The following RAB38 variants were observed in gnomAD, a reference collection of about 807,000 sequenced individuals.
RAB38 encodes RAB38, member RAS oncogene family.
In RAB38, 15 loss-of-function variants were observed where a neutral mutation model predicts 18.4. That is an observed-to-expected ratio of 0.82 (90% CI 0.55 to 1.26). The LOEUF is 1.26. Among genes scored for constraint, RAB38 ranks in the 50% most tolerant of loss-of-function variants. The pLI, the probability that RAB38 is intolerant of heterozygous loss-of-function variation, is 0.00. For synonymous variants in RAB38, 101 were observed against 104.4 expected (o/e 0.97, Z 0.20); for missense variants, 294 against 267.4 (o/e 1.10, Z -0.69).
the RAB38 span, among the ~76,000 whole-genome samples, chr11:87,886,364 C>G: frequency 6.6e-6 from 1 of 151,766 alleles, no homozygotes; most frequent in African/African-American, 2.4e-5. Flanking sequence ...AGAGAGAGAT[C>G]TAACTTTCCA....
intron 2 of RAB38, among the ~76,000 whole-genome samples, chr11:88,117,129 C>A (rs1210787913): frequency 6.6e-6 from 1 of 152,144 alleles, no homozygotes; most frequent in Non-Finnish European, 1.5e-5. Context: ...CAGGCAGAGC[C>A]AAGGAATGAC....
intron 1 of RAB38, among the ~76,000 whole-genome samples, chr11:88,152,429 G>GTA (rs886386104): frequency 9.9e-5 from 15 of 152,182 alleles, no homozygotes; most frequent in African/African-American, 2.4e-4. Flanking sequence ...GTGTGTGTGT[G>GTA]TATATATATA....
chr11:88,003,814 A>AAT, the RAB38 span, among the ~76,000 whole-genome samples: 575 of 890 alleles, frequency 0.65, 283 homozygotes, highest in East Asian at 1. Flanking sequence ...TATTATATAT[A>AAT]ATATATAATA....
chr11:88,149,756 A>G lies in RAB38; in HGVS notation c.402T>C (p.Asp134=). 6.2e-7 allele frequency: 1 copy of G among 1,614,176 alleles called. No homozygotes were observed. The highest frequency in any genetic ancestry group is 8.5e-7 in the Non-Finnish European group (1 of 1,180,020). ...LLANKCDQGK[D]VLMNNGLKMD... ...TCTTGAGGCCATTGTTCATGAGCAC[A>G]TCCTTCCCCTGGTCACATTTGTTGG... Residue 134 remains aspartate (D), a synonymous_variant, in exon 2 of 3, where the codon GAT becomes GAC. Coordinates refer to ENST00000243662, the MANE Select transcript of RAB38 (RefSeq NM_022337.3).
chr11:87,931,291 A>G, the RAB38 span, among the ~76,000 whole-genome samples: 51 of 152,128 alleles, frequency 3.4e-4, no homozygotes, highest in African/African-American at 1.2e-3. Flanking sequence ...AGGAAGGAAG[A>G]TAGATGCAAG....
the RAB38 span, among the ~76,000 whole-genome samples, chr11:87,859,174 T>A: frequency 6.6e-6 from 1 of 151,732 alleles, no homozygotes; most frequent in East Asian, 1.9e-4. Flanking sequence ...AATAAAATTT[T>A]AAAAATAGGA....
Position 88,149,835 on chromosome 11 carries a change from A to G in RAB38, c.323T>C (p.Leu108Ser). 1 of 1,614,136 alleles carries G rather than the reference A, an allele frequency of 6.2e-7. No individual in the cohort carries two copies. Reference sequence around the variant, plus strand: ...ATTAGGGAGACTTAACTTGGAGTCCAAATCATTTTTCCACTTTGCCACTGC... The same window carrying G: ...ATTAGGGAGACTTAACTTGGAGTCCGAATCATTTTTCCACTTTGCCACTGC... ...FEAVAKWKND[L>S]DSKLSLPNGK... Residue 108 changes from leucine (L) to serine (S), a missense_variant, in exon 2 of 3, where the codon TTG becomes TCG. Coordinates refer to ENST00000243662, the MANE Select transcript of RAB38 (RefSeq NM_022337.3).
chr11:87,976,746 A>G, the RAB38 span, among the ~76,000 whole-genome samples: 1 of 118,750 alleles, frequency 8.4e-6, no homozygotes, highest in African/African-American at 3.4e-5. Flanking sequence ...ATATATTTAT[A>G]TATTTATATA....
chr11:88,086,501 G>A, the RAB38 span, among the ~76,000 whole-genome samples: 1 of 151,864 alleles, frequency 6.6e-6, no homozygotes, highest in Non-Finnish European at 1.5e-5. Context: ...TAATTACGCT[G>A]GTGATGGATT....
the RAB38 span, among the ~76,000 whole-genome samples, chr11:88,032,748 A>G: frequency 7.2e-5 from 11 of 152,228 alleles, no homozygotes; most frequent in South Asian, 4.1e-4. Context: ...AGAGGATGTG[A>G]AGAAATAGGA....
the RAB38 span, among the ~76,000 whole-genome samples, chr11:87,970,185 C>A: frequency 1.3e-5 from 2 of 151,898 alleles, no homozygotes; most frequent in African/African-American, 2.4e-5. Context: ...TTGAAGGGGA[C>A]ACAATGTCAG....
the RAB38 span, among the ~76,000 whole-genome samples, chr11:87,968,635 A>T: frequency 1.3e-5 from 2 of 152,218 alleles, no homozygotes; most frequent in African/African-American, 4.8e-5. Flanking sequence ...GTGGAGTTCA[A>T]AATACTGCTT....
chr11:88,160,654 A>C (rs1943178884), intron 1 of RAB38, among the ~76,000 whole-genome samples: 1 of 152,114 alleles, frequency 6.6e-6, no homozygotes, highest in East Asian at 1.9e-4. Context: ...ACAGCCAAAA[A>C]AGAGAATAAA....
chr11:88,020,412 A>G, the RAB38 span, among the ~76,000 whole-genome samples: 1 of 152,358 alleles, frequency 6.6e-6, no homozygotes, highest in African/African-American at 2.4e-5. Context: ...TGATAATTAT[A>G]CATTTATACG....
At chr11:87,961,772 C>G in the RAB38 span, among the ~76,000 whole-genome samples, 1 of 152,150 alleles carries the variant, frequency 6.6e-6, no homozygotes, top group Admixed American at 6.6e-5. Flanking sequence ...AAATACTACA[C>G]TCTTGGGAAT....
At chr11:88,026,287 G>T in the RAB38 span, among the ~76,000 whole-genome samples, 2 of 151,962 alleles carry the variant, frequency 1.3e-5, no homozygotes, top group Admixed American at 1.3e-4. Flanking sequence ...ACAACAGCCA[G>T]GTGCGCTGGC....
chr11:88,140,035 A>T (rs1942886891), intron 2 of RAB38, among the ~76,000 whole-genome samples: 1 of 152,234 alleles, frequency 6.6e-6, no homozygotes, highest in South Asian at 2.1e-4. Context: ...CTGGTCCTGG[A>T]GTGTGAAGGA....
the RAB38 span, among the ~76,000 whole-genome samples, chr11:87,879,315 A>G: frequency 6.6e-6 from 1 of 151,572 alleles, no homozygotes; most frequent in Admixed American, 6.6e-5. Context: ...GATTCATCTT[A>G]GCACCAGGCA....
chr11:88,076,956 CAAAAAAAA>C, the RAB38 span, among the ~76,000 whole-genome samples: 1 of 42,914 alleles, frequency 2.3e-5, no homozygotes, highest in East Asian at 7.1e-4. Flanking sequence ...GAGACTCCAT[CAAAAAAAA>C]AAAAAAAAAA....
Sources: gnomAD v4.1 joint callset for allele counts (sites outside exome capture counted in the v4.1 genomes callset) on GRCh38, gnomAD v4.1.1 for gene constraint, MANE v1.5 for transcripts, NCBI Gene and HGNC (gene_info 2026-07-23, HGNC 2026-07-21) for gene names.